Variants in MIR2052HG observed in about 807,000 individuals in gnomAD.
MIR2052HG encodes the protein MIR2052 host gene.
intron 4 of MIR2052HG, among the ~76,000 whole-genome samples, chr8:74,719,849 CTTTT>C (rs10647233): frequency 9.4e-6 from 1 of 106,718 alleles, no homozygotes. Flanking sequence ...TTTCTTTTTT[CTTTT>C]TTTTTTTTTT....
Position 74,696,464 on chromosome 8 carries a change from TAACC to T in MIR2052HG, n.217-5912_217-5909del, listed in dbSNP as rs977422445. On this transcript the variant is annotated intron_variant and non_coding_transcript_variant, in intron 2 of 6. Transcript: ENST00000523442. ...CCCAAACCCAGCAGAAGAAAAGAAA[TAACC>T]AAGATCAAAGCAGAAGTAAATGAAA... Among the ~76,000 whole-genome samples, 34 of 150,838 alleles carry T rather than the reference TAACC, an allele frequency of 2.3e-4. 1 individual carries two copies. The highest frequency in any genetic ancestry group is 4.2e-4 in the South Asian group (2 of 4,738).
At chr8:74,741,039 A>G (rs1563544262) in intron 4 of MIR2052HG, among the ~76,000 whole-genome samples, 1 of 152,162 alleles carries the variant, frequency 6.6e-6, no homozygotes, top group Non-Finnish European at 1.5e-5. Flanking sequence ...GCTCCTGCAA[A>G]CCTTTGGTTA....
chr8:74,744,377 A>T (rs1450791091), intron 4 of MIR2052HG, among the ~76,000 whole-genome samples: 1 of 151,690 alleles, frequency 6.6e-6, no homozygotes, highest in African/African-American at 2.4e-5. Context: ...CACAATGTGC[A>T]GGTTAGTTAC....
At chr8:74,746,523 G>A (rs1388211396) in intron 4 of MIR2052HG, among the ~76,000 whole-genome samples, 1 of 151,612 alleles carries the variant, frequency 6.6e-6, no homozygotes, top group Non-Finnish European at 1.5e-5. Flanking sequence ...AGTGCCATGG[G>A]AATGCAGGCT....
intron 2 of MIR2052HG, among the ~76,000 whole-genome samples, chr8:74,683,239 T>G (rs1048452614): frequency 1.3e-5 from 2 of 152,126 alleles, no homozygotes; most frequent in Non-Finnish European, 2.9e-5. Context: ...AAAAATTGTA[T>G]TTGTTTTTCA....
intron 4 of MIR2052HG, among the ~76,000 whole-genome samples, chr8:74,727,233 G>T (rs1809646218): frequency 6.6e-6 from 1 of 152,250 alleles, no homozygotes; most frequent in Admixed American, 6.5e-5. Flanking sequence ...TCCTTGTACT[G>T]TTTGCAAAAT....
chr8:74,663,458 T>G (rs1419107946), intron 2 of MIR2052HG, among the ~76,000 whole-genome samples: 2 of 152,234 alleles, frequency 1.3e-5, no homozygotes, highest in Non-Finnish European at 2.9e-5. Context: ...ATGGTTGCTC[T>G]TAGGGAATAT....
intron 4 of MIR2052HG, among the ~76,000 whole-genome samples, chr8:74,718,522 T>C (rs1563538988): frequency 6.6e-6 from 1 of 152,136 alleles, no homozygotes; most frequent in Non-Finnish European, 1.5e-5. Context: ...TTCTTCCTTT[T>C]AAAGGAATAA....
chr8:74,700,588 T>C (rs1389057368), intron 2 of MIR2052HG, among the ~76,000 whole-genome samples: 2 of 152,146 alleles, frequency 1.3e-5, no homozygotes, highest in South Asian at 2.1e-4. Flanking sequence ...TATTACAAAA[T>C]CAAGGCTAAC....
intron 2 of MIR2052HG, among the ~76,000 whole-genome samples, chr8:74,688,582 T>C (rs1482832898): frequency 1.3e-5 from 2 of 152,222 alleles, no homozygotes; most frequent in African/African-American, 4.8e-5. Context: ...TGCACAAATA[T>C]GGACAACATT....
At chr8:74,606,347 A>C (rs1473245058) in intron 1 of MIR2052HG, among the ~76,000 whole-genome samples, 2 of 152,108 alleles carry the variant, frequency 1.3e-5, no homozygotes, top group Non-Finnish European at 2.9e-5. Context: ...TAGCTAAGGG[A>C]GAGTCAATTC....
At chr8:74,680,746 A>G (rs1809113971) in intron 2 of MIR2052HG, among the ~76,000 whole-genome samples, 1 of 152,164 alleles carries the variant, frequency 6.6e-6, no homozygotes, top group Non-Finnish European at 1.5e-5. Context: ...TCATGCTGTT[A>G]TACAGACACA....
intron 2 of MIR2052HG, among the ~76,000 whole-genome samples, chr8:74,692,270 T>C (rs1376141701): frequency 6.6e-6 from 1 of 152,190 alleles, no homozygotes; most frequent in Non-Finnish European, 1.5e-5. Context: ...TTTATATTTT[T>C]AGTAGAGATG....
intron 4 of MIR2052HG, among the ~76,000 whole-genome samples, chr8:74,712,005 C>T (rs1287555154): frequency 6.6e-6 from 1 of 152,066 alleles, no homozygotes; most frequent in Admixed American, 6.6e-5. Flanking sequence ...ATTGGTTAGT[C>T]CTCCACCCTG....
chr8:74,741,056 A>G lies in MIR2052HG; in HGVS notation n.372-11385A>G, dbSNP rs117440522. 9.2e-3 allele frequency among the ~76,000 whole-genome samples: 1,400 copies of G among 152,358 alleles called. 7 individuals are homozygous for G. The highest frequency in any genetic ancestry group is 0.041 in the Middle Eastern group (12 of 294). The stretch of plus-strand genomic sequence containing the variant: ...TCCTGCAAACCTTTGGTTATATTTT[A>G]TCAATCTATCAACACATAATCTTGT... On this transcript the variant is annotated intron_variant and non_coding_transcript_variant, in intron 4 of 6. Coordinates refer to ENST00000523442, the Ensembl canonical transcript of MIR2052HG.
At chr8:74,643,703 A>C (rs2128735477) in intron 2 of MIR2052HG, among the ~76,000 whole-genome samples, 1 of 152,310 alleles carries the variant, frequency 6.6e-6, no homozygotes, top group South Asian at 2.1e-4. Context: ...TTTTTTTTAA[A>C]CTTTAGAGAT....
chr8:74,730,391 C>A (rs1472509868), intron 4 of MIR2052HG, among the ~76,000 whole-genome samples: 3 of 152,040 alleles, frequency 2.0e-5, no homozygotes, highest in Non-Finnish European at 2.9e-5. Context: ...GTAAATATTT[C>A]TAATATGGAA....
At chr8:74,727,657 A>T (rs1278268146) in intron 4 of MIR2052HG, among the ~76,000 whole-genome samples, 3 of 152,084 alleles carry the variant, frequency 2.0e-5, no homozygotes, top group African/African-American at 4.8e-5. Context: ...CTACTTGCAT[A>T]TTTTTTTCTA....
chr8:74,639,514 GTTA>G (rs1808616154), intron 2 of MIR2052HG, among the ~76,000 whole-genome samples: 1 of 152,134 alleles, frequency 6.6e-6, no homozygotes, highest in South Asian at 2.1e-4. Context: ...GTCACATAGA[GTTA>G]TTATTTATCT....
Sources: allele counts gnomAD v4.1 joint callset (sites outside exome capture counted in the v4.1 genomes callset), GRCh38; gene constraint gnomAD v4.1.1; transcripts MANE v1.5; gene names NCBI Gene and HGNC (gene_info 2026-07-23, HGNC 2026-07-21).